Variants in CDH12 observed in about 807,000 individuals in gnomAD.
The protein encoded by CDH12 is cadherin-12.
In CDH12, 41 loss-of-function variants were observed where a neutral mutation model predicts 74.1. That is an observed-to-expected ratio of 0.55 (90% CI 0.43 to 0.72). CDH12 has a LOEUF of 0.72. Among genes scored for constraint, CDH12 ranks in the 30% least tolerant of loss-of-function variants. The pLI is 0.00. For missense variants in CDH12, 945 were observed against 977.2 expected (o/e 0.97, Z 0.44); for synonymous variants, 399 against 355.0 (o/e 1.12, Z -1.39).
At chr5:22,181,700 C>T (rs1234200431) in intron 4 of CDH12, among the ~76,000 whole-genome samples, 1 of 152,006 alleles carries the variant, frequency 6.6e-6, no homozygotes, top group Admixed American at 6.6e-5. Flanking sequence ...TATCATCTTG[C>T]CCTGTTTCTT....
chr5:22,787,538 G>A lies in CDH12; in HGVS notation c.-523+65520C>T, dbSNP rs192304907. ...TCATTGCTATACAATGGATGACTCC[G>A]AAACTTATTGGCTTAAATATTATAA... On this transcript the variant is annotated intron_variant, in intron 1 of 14. Coordinates refer to ENST00000382254, the MANE Select transcript of CDH12 (RefSeq NM_004061.5). 7.9e-5 allele frequency among the ~76,000 whole-genome samples: 12 copies of A among 152,092 alleles called. No homozygotes were observed. The East Asian group carries it at 9.6e-4, about 12-fold the overall frequency.
intron 8 of CDH12, among the ~76,000 whole-genome samples, chr5:21,818,977 C>T (rs1748214776): frequency 6.6e-6 from 1 of 151,882 alleles, no homozygotes; most frequent in Non-Finnish European, 1.5e-5. Context: ...ATTTCCTAAG[C>T]ACTTAACATA....
intron 2 of CDH12, among the ~76,000 whole-genome samples, chr5:22,446,555 AT>A (rs1269129034): frequency 2.0e-5 from 3 of 152,180 alleles, no homozygotes; most frequent in South Asian, 2.1e-4. Context: ...TAATGGAAAG[AT>A]TTTTTTCTGA....
chr5:21,837,972 A>G (rs962343794), intron 8 of CDH12, among the ~76,000 whole-genome samples: 1 of 152,110 alleles, frequency 6.6e-6, no homozygotes, highest in Non-Finnish European at 1.5e-5. Flanking sequence ...CCTGTTTATG[A>G]GTGGTGACAA....
At chr5:21,881,832 G>T (rs1752370013) in intron 6 of CDH12, among the ~76,000 whole-genome samples, 1 of 152,084 alleles carries the variant, frequency 6.6e-6, no homozygotes, top group Non-Finnish European at 1.5e-5. Flanking sequence ...TGCATAATAT[G>T]TTTTGAATCA....
chr5:22,490,189 T>C (rs1746800172), intron 2 of CDH12, among the ~76,000 whole-genome samples: 1 of 152,160 alleles, frequency 6.6e-6, no homozygotes, highest in African/African-American at 2.4e-5. Flanking sequence ...CCATAGAGCA[T>C]CCATATTCTT....
intron 3 of CDH12, among the ~76,000 whole-genome samples, chr5:22,404,771 G>A (rs540041750): frequency 6.6e-6 from 1 of 152,276 alleles, no homozygotes; most frequent in African/African-American, 2.4e-5. Flanking sequence ...CAGCGTTTCT[G>A]TGTTTCCCCT....
intron 1 of CDH12, among the ~76,000 whole-genome samples, chr5:22,583,841 T>C (rs1023451116): frequency 6.6e-6 from 1 of 152,142 alleles, no homozygotes; most frequent in South Asian, 2.1e-4. Flanking sequence ...ATTTAACAAG[T>C]ATAATAAATC....
At chr5:22,382,273 T>C (rs1286657069) in intron 3 of CDH12, among the ~76,000 whole-genome samples, 1 of 147,096 alleles carries the variant, frequency 6.8e-6, no homozygotes, top group African/African-American at 2.5e-5. Context: ...ATACATATTA[T>C]ATATAGTCTA....
intron 1 of CDH12, among the ~76,000 whole-genome samples, chr5:22,648,218 T>C (rs1255787094): frequency 1.3e-5 from 2 of 151,840 alleles, no homozygotes; most frequent in Non-Finnish European, 2.9e-5. Flanking sequence ...CTAATTTGAA[T>C]ATTTTCTATG....
At chr5:22,369,948 C>T (rs561990994) in intron 3 of CDH12, among the ~76,000 whole-genome samples, 1 of 152,194 alleles carries the variant, frequency 6.6e-6, no homozygotes, top group Non-Finnish European at 1.5e-5. Flanking sequence ...GCCACAGACA[C>T]AATAACAGAA....
intron 1 of CDH12, among the ~76,000 whole-genome samples, chr5:22,607,608 G>T (rs1334787207): frequency 1.3e-5 from 2 of 152,198 alleles, no homozygotes; most frequent in African/African-American, 4.8e-5. Flanking sequence ...ACAACACGTG[G>T]GCATTCTGGA....
chr5:22,430,434 T>C (rs982722990), intron 2 of CDH12, among the ~76,000 whole-genome samples: 7 of 152,220 alleles, frequency 4.6e-5, no homozygotes, highest in African/African-American at 1.7e-4. Flanking sequence ...TTTGGTAAAT[T>C]TGTTTGAAAA....
At chr5:21,994,838 C>T (rs369003932) in intron 5 of CDH12, among the ~76,000 whole-genome samples, 5 of 152,062 alleles carry the variant, frequency 3.3e-5, no homozygotes, top group East Asian at 3.9e-4. Context: ...TCTGTAAAAA[C>T]GGACCAATCA....
intron 2 of CDH12, among the ~76,000 whole-genome samples, chr5:22,486,997 G>A (rs995007181): frequency 6.6e-6 from 1 of 151,694 alleles, no homozygotes; most frequent in Non-Finnish European, 1.5e-5. Context: ...AAATGTGTTT[G>A]ATTAAGATTA....
intron 1 of CDH12, among the ~76,000 whole-genome samples, chr5:22,794,839 G>A (rs999980116): frequency 1.3e-5 from 2 of 152,072 alleles, no homozygotes; most frequent in African/African-American, 4.8e-5. Flanking sequence ...TGGACTCCAT[G>A]GAATCACAAG....
chr5:22,705,126 T>C (rs1742926010), intron 1 of CDH12, among the ~76,000 whole-genome samples: 3 of 95,090 alleles, frequency 3.2e-5, no homozygotes. Context: ...CATATATATA[T>C]ATATACACAC....
chr5:21,892,604 G>T (rs1203320138), intron 6 of CDH12, among the ~76,000 whole-genome samples: 1 of 152,044 alleles, frequency 6.6e-6, no homozygotes, highest in African/African-American at 2.4e-5. Context: ...CTCACAGTAT[G>T]TATTAAAAGT....
chr5:22,738,808 C>T (rs10038948), intron 1 of CDH12, among the ~76,000 whole-genome samples: 21,706 of 151,900 alleles, frequency 0.14, 1,712 homozygotes, highest in African/African-American at 0.19. Flanking sequence ...AAGAAATAAG[C>T]TACCAATTGA....
Sources: gnomAD v4.1 joint callset for allele counts (sites outside exome capture counted in the v4.1 genomes callset) on GRCh38, gnomAD v4.1.1 for gene constraint, MANE v1.5 for transcripts, NCBI Gene and HGNC (gene_info 2026-07-23, HGNC 2026-07-21) for gene names.